The following RBFOX1 variants were observed in gnomAD, a reference collection of about 807,000 sequenced individuals.
RBFOX1 encodes RNA binding fox-1 homolog 1.
RBFOX1 carries 8 observed loss-of-function variants against 57.7 expected under a neutral mutation model. That is an observed-to-expected ratio of 0.14 (90% CI 0.08 to 0.25). The LOEUF is 0.25. Among genes scored for constraint, RBFOX1 ranks in the 10% least tolerant of loss-of-function variants. The probability of loss-of-function intolerance (pLI) is 1.00; values close to 1 mark genes in which losing one functional copy is unlikely to be tolerated. For missense variants in RBFOX1, 611 were observed against 548.5 expected, an observed-to-expected ratio of 1.11 and a Z score of -1.14; for synonymous variants, 326 against 222.4, an observed-to-expected ratio of 1.47 and a Z score of -4.15.
At chr16:6,948,146 T>G (rs1235150149) in intron 3 of RBFOX1, among the ~76,000 whole-genome samples, 1 of 151,930 alleles carries the variant, frequency 6.6e-6, no homozygotes, top group Non-Finnish European at 1.5e-5. Flanking sequence ...GAAACATGCC[T>G]TTCAGCCAGG....
chr16:5,346,331 A>C (rs1323120185), intron 1 of RBFOX1, among the ~76,000 whole-genome samples: 2 of 152,206 alleles, frequency 1.3e-5, no homozygotes, highest in Non-Finnish European at 2.9e-5. Context: ...GCACTCAGAA[A>C]ATGTCACATT....
intron 3 of RBFOX1, among the ~76,000 whole-genome samples, chr16:6,723,020 G>C (rs1219415016): frequency 6.6e-6 from 1 of 152,196 alleles, no homozygotes; most frequent in Non-Finnish European, 1.5e-5. Context: ...TCCCATCAGA[G>C]ATAAGTGGAA....
chr16:6,897,105 A>C (rs117984510), intron 3 of RBFOX1, among the ~76,000 whole-genome samples: 1,890 of 152,294 alleles, frequency 0.012, 20 homozygotes, highest in Non-Finnish European at 0.02. Flanking sequence ...GGGGCTATTT[A>C]TATTTGGCAC....
At chr16:6,730,537 A>G (rs199745273) in intron 3 of RBFOX1, among the ~76,000 whole-genome samples, 3 of 152,308 alleles carry the variant, frequency 2.0e-5, no homozygotes, top group African/African-American at 4.8e-5. Flanking sequence ...CTGTCTATCA[A>G]TCTATGTATC....
chr16:6,771,914 C>T (rs1003987854), intron 3 of RBFOX1, among the ~76,000 whole-genome samples: 4 of 152,048 alleles, frequency 2.6e-5, no homozygotes, highest in East Asian at 1.9e-4. Context: ...TTGAAGGGGC[C>T]GGAAGAGGTT....
At chr16:5,827,402 GGAA>G (rs1275924664) in intron 3 of RBFOX1, among the ~76,000 whole-genome samples, 6 of 100,476 alleles carry the variant, frequency 6.0e-5, no homozygotes, top group Non-Finnish European at 1.2e-4. Flanking sequence ...TCCATCTCAG[GGAA>G]AAAAAAAAAA....
chr16:7,685,124 C>G (rs961509438), intron 14 of RBFOX1, among the ~76,000 whole-genome samples: 2 of 152,026 alleles, frequency 1.3e-5, no homozygotes, highest in Non-Finnish European at 2.9e-5. Flanking sequence ...AGAAGCTGCA[C>G]TTCCCAGACT....
chr16:6,032,583 G>T (rs1183441027), intron 1 of RBFOX1, among the ~76,000 whole-genome samples: 2 of 152,136 alleles, frequency 1.3e-5, no homozygotes, highest in Non-Finnish European at 2.9e-5. Context: ...AGAATAAGTA[G>T]AGAGCAGTGT....
At chr16:6,589,722 T>G (rs1188750227) in intron 2 of RBFOX1, among the ~76,000 whole-genome samples, 1 of 152,214 alleles carries the variant, frequency 6.6e-6, no homozygotes, top group Admixed American at 6.5e-5. Context: ...GGGGGATTGT[T>G]TGGGGAAAGG....
rs545209028 is a variant in RBFOX1, at chr16:7,159,435, C to G, written c.27+107337C>G. On this transcript the variant is annotated intron_variant, in intron 4 of 15. Transcript: ENST00000550418. ...GGACAGGATTAGCATCTATGTCACT[C>G]TAGAGATCAGTATCCAGGATTCAGA... Among the ~76,000 whole-genome samples the G allele has an allele frequency of 2.8e-4, 42 of 152,188 alleles. No individual in the cohort carries two copies. In the South Asian group the frequency reaches 8.3e-3, roughly 30 times the overall value.
intron 11 of RBFOX1, among the ~76,000 whole-genome samples, chr16:7,648,032 C>G (rs1374241540): frequency 2.0e-5 from 3 of 152,178 alleles, no homozygotes; most frequent in African/African-American, 7.2e-5. Flanking sequence ...ATCCTACAGA[C>G]CACCACACCT....
intron 4 of RBFOX1, among the ~76,000 whole-genome samples, chr16:7,318,116 C>T (rs944272217): frequency 3.3e-5 from 5 of 149,592 alleles, no homozygotes; most frequent in East Asian, 2.0e-4. Context: ...GTGGTAGTGA[C>T]GGTGCTGATG....
chr16:7,356,569 T>A (rs1249563044), intron 4 of RBFOX1, among the ~76,000 whole-genome samples: 1 of 152,148 alleles, frequency 6.6e-6, no homozygotes, highest in Non-Finnish European at 1.5e-5. Context: ...CACAGCATGA[T>A]AATGAGTTTG....
At chr16:7,025,975 C>T (rs947421368) in intron 3 of RBFOX1, among the ~76,000 whole-genome samples, 1 of 152,190 alleles carries the variant, frequency 6.6e-6, no homozygotes, top group African/African-American at 2.4e-5. Context: ...TGGGCTGGTG[C>T]AGGTATCTGT....
At chr16:6,539,806 G>GACACACACAAACACACACACAC (rs2096787036) in intron 2 of RBFOX1, among the ~76,000 whole-genome samples, 1 of 136,234 alleles carries the variant, frequency 7.3e-6, no homozygotes, top group Non-Finnish European at 1.6e-5. Context: ...TCAAAACACA[G>GACACACACAAACACACACACAC]ACACACACAC....
At chr16:5,662,987 G>T (rs1361543306) in intron 3 of RBFOX1, among the ~76,000 whole-genome samples, 1 of 152,186 alleles carries the variant, frequency 6.6e-6, no homozygotes, top group African/African-American at 2.4e-5. Flanking sequence ...GGGGTTTCCA[G>T]TGGGCAGGAG....
intron 4 of RBFOX1, among the ~76,000 whole-genome samples, chr16:6,006,005 G>T (rs919802216): frequency 6.6e-6 from 1 of 152,222 alleles, no homozygotes; most frequent in Non-Finnish European, 1.5e-5. Context: ...CCAATTCATG[G>T]AGAGTCTTGT....
intron 2 of RBFOX1, among the ~76,000 whole-genome samples, chr16:6,375,439 A>G (rs932422824): frequency 6.6e-6 from 1 of 151,150 alleles, no homozygotes; most frequent in African/African-American, 2.4e-5. Flanking sequence ...CCCTCCTAGG[A>G]TGAAGCCAAA....
At chr16:7,373,560 G>A (rs1258410575) in intron 4 of RBFOX1, among the ~76,000 whole-genome samples, 2 of 152,108 alleles carry the variant, frequency 1.3e-5, no homozygotes, top group East Asian at 1.9e-4. Flanking sequence ...GAGAGTGCCC[G>A]GGCAAGCCTT....
Sources: gnomAD v4.1 joint callset for allele counts (sites outside exome capture counted in the v4.1 genomes callset) on GRCh38, gnomAD v4.1.1 for gene constraint, MANE v1.5 for transcripts, NCBI Gene and HGNC (gene_info 2026-07-23, HGNC 2026-07-21) for gene names.